ROBO2: variants seen among roughly 807,000 people sequenced by gnomAD.
The protein encoded by ROBO2 is roundabout homolog 2.
In ROBO2, 53 loss-of-function variants were observed where a neutral mutation model predicts 160.8. The ratio of observed to expected loss-of-function variants is 0.33; its 90% CI spans 0.26 to 0.41. The LOEUF (loss-of-function observed/expected upper bound fraction) is 0.41, where lower values mean the gene tolerates loss of function less well. Ranked by LOEUF, ROBO2 falls within the 10% of genes least tolerant of loss-of-function variation. ROBO2 has a pLI of 1.00. For synonymous variants in ROBO2, 664 were observed against 611.7 expected (o/e 1.09, Z -1.26); for missense variants, 1,577 against 1,722.4 (o/e 0.92, Z 1.49).
At chr3:76,967,102 G>A (rs542271789) in intron 2 of ROBO2, among the ~76,000 whole-genome samples, 1 of 152,228 alleles carries the variant, frequency 6.6e-6, no homozygotes, top group Non-Finnish European at 1.5e-5. Flanking sequence ...TATTGAACCT[G>A]TTTTACAGAC....
chr3:76,707,612 A>T (rs7627343), intron 2 of ROBO2, among the ~76,000 whole-genome samples: 1 of 151,574 alleles, frequency 6.6e-6, no homozygotes, highest in Non-Finnish European at 1.5e-5. Flanking sequence ...TACAGACCTC[A>T]GTTACTAACA....
At position 76,272,928 on chromosome 3, in the gene ROBO2, T is replaced by TTA. The variant is rs1425011037; in HGVS notation, c.109+335333_109+335334dup. ...ATATTTATATATAAAATATATATAT[T>TTA]TATATATAAATATATAAAATATATA... On this transcript the variant is annotated intron_variant, in intron 2 of 26. Transcript: ENST00000487694. Among the ~76,000 whole-genome samples the TTA allele has an allele frequency of 9.4e-4, 18 of 19,172 alleles. 4 individuals are homozygous for TTA. The highest frequency in any genetic ancestry group is 2.6e-3 in the Non-Finnish European group (15 of 5,854). 12.6% of individuals were successfully genotyped at this position (19,172 alleles called of 152,430 possible).
At chr3:77,200,226 T>C (rs2082705664) in intron 2 of ROBO2, among the ~76,000 whole-genome samples, 1 of 131,742 alleles carries the variant, frequency 7.6e-6, no homozygotes, top group Non-Finnish European at 1.6e-5. Context: ...AAGAAATATA[T>C]GCTAATAATT....
At chr3:76,665,916 T>G (rs2092006493) in intron 2 of ROBO2, among the ~76,000 whole-genome samples, 1 of 143,594 alleles carries the variant, frequency 7.0e-6, no homozygotes, top group African/African-American at 2.5e-5. Context: ...AATATACACA[T>G]ATTTTATATG....
chr3:77,564,642 T>G (rs1449065237), intron 11 of ROBO2: 4 of 465,256 alleles, frequency 8.6e-6, no homozygotes, highest in African/African-American at 2.0e-5. Flanking sequence ...AACTTGATGT[T>G]GTGATCTTGG....
intron 2 of ROBO2, among the ~76,000 whole-genome samples, chr3:76,851,741 C>CAAAAAAA (rs71104629): frequency 4.4e-3 from 277 of 63,208 alleles, no homozygotes; most frequent in East Asian, 8.9e-3. Flanking sequence ...GACTCCGTCT[C>CAAAAAAA]AAAAAAAAAA....
At chr3:76,224,683 T>C (rs1259386493) in intron 2 of ROBO2, among the ~76,000 whole-genome samples, 1 of 152,212 alleles carries the variant, frequency 6.6e-6, no homozygotes, top group Admixed American at 6.5e-5. Context: ...TTCATAATTT[T>C]CTAATGGCTA....
chr3:77,347,205 A>C (rs1225979262), intron 2 of ROBO2, among the ~76,000 whole-genome samples: 2 of 152,168 alleles, frequency 1.3e-5, no homozygotes, highest in African/African-American at 4.8e-5. Flanking sequence ...GAAAAAGACC[A>C]TGCTAATTGC....
intron 2 of ROBO2, among the ~76,000 whole-genome samples, chr3:76,358,411 G>T (rs80148331): frequency 1.7e-3 from 258 of 151,802 alleles, no homozygotes; most frequent in African/African-American, 6.0e-3. Flanking sequence ...TAATAGTGTT[G>T]GTTTTACCCT....
At chr3:77,513,309 A>G (rs1319655508) in intron 5 of ROBO2, among the ~76,000 whole-genome samples, 1 of 151,866 alleles carries the variant, frequency 6.6e-6, no homozygotes, top group Non-Finnish European at 1.5e-5. Flanking sequence ...TTGAGGCTTA[A>G]TGTGCATCAG....
At chr3:77,194,983 A>G (rs1202257758) in intron 2 of ROBO2, among the ~76,000 whole-genome samples, 2 of 152,106 alleles carry the variant, frequency 1.3e-5, no homozygotes, top group Non-Finnish European at 2.9e-5. Context: ...TATAGGGGCA[A>G]TGTAATTAGG....
intron 2 of ROBO2, among the ~76,000 whole-genome samples, chr3:77,459,977 A>T (rs1354845363): frequency 6.6e-6 from 1 of 151,894 alleles, no homozygotes; most frequent in African/African-American, 2.4e-5. Context: ...AATTTTATGT[A>T]AAAAGATGTT....
intron 2 of ROBO2, among the ~76,000 whole-genome samples, chr3:76,857,012 G>A (rs886392731): frequency 2.1e-4 from 32 of 152,090 alleles, no homozygotes; most frequent in Admixed American, 3.3e-4. Flanking sequence ...TTGAGACGGA[G>A]TCTTGCTCTG....
intron 2 of ROBO2, among the ~76,000 whole-genome samples, chr3:76,280,884 G>T (rs1708195548): frequency 6.6e-6 from 1 of 151,840 alleles, no homozygotes; most frequent in Admixed American, 6.6e-5. Flanking sequence ...TCTAGTGAAG[G>T]TTCTTTAATA....
At chr3:77,098,181 G>A (rs941805542) in exon 2 of ROBO2, 2 of 1,614,148 alleles carry the variant, frequency 1.2e-6, no homozygotes, top group Non-Finnish European at 1.7e-6. Flanking sequence ...TGACAAGGAC[G>A]ATCCCCGGTC....
intron 2 of ROBO2, among the ~76,000 whole-genome samples, chr3:77,293,915 C>A (rs62251168): frequency 0.054 from 7,349 of 137,142 alleles, 2 homozygotes; most frequent in Middle Eastern, 0.096. Flanking sequence ...AGCTAGATCA[C>A]CCCAGACATA....
intron 2 of ROBO2, among the ~76,000 whole-genome samples, chr3:77,164,757 AGTGGGGGGGTCAGACCCCCG>A (rs2078866440): frequency 3.0e-5 from 1 of 33,290 alleles, no homozygotes; most frequent in Non-Finnish European, 5.0e-5. Context: ...CCGGGAGGGA[AGTGGGGGGGTCAGACCCCCG>A]CCCGGCCAGC....
At chr3:76,538,633 T>C (rs767948984) in intron 2 of ROBO2, among the ~76,000 whole-genome samples, 2 of 152,190 alleles carry the variant, frequency 1.3e-5, no homozygotes, top group Non-Finnish European at 2.9e-5. Context: ...GCAGGATTGC[T>C]ACAGAGGGAA....
chr3:76,193,245 T>C (rs148070978), intron 2 of ROBO2, among the ~76,000 whole-genome samples: 2 of 152,318 alleles, frequency 1.3e-5, no homozygotes, highest in Non-Finnish European at 2.9e-5. Flanking sequence ...AGTCTTTGTA[T>C]TTGGTGGTAT....
Sources: allele counts gnomAD v4.1 joint callset (sites outside exome capture counted in the v4.1 genomes callset), GRCh38; gene constraint gnomAD v4.1.1; transcripts MANE v1.5; gene names NCBI Gene and HGNC (gene_info 2026-07-23, HGNC 2026-07-21).